Variants in PCDHGB2 observed in about 807,000 individuals in gnomAD.
PCDHGB2 encodes protocadherin gamma-B2.
PCDHGB2 carries 55 observed loss-of-function variants against 59.3 expected under a neutral mutation model. The observed-to-expected ratio is 0.93, with a 90% CI of 0.75 to 1.16. The LOEUF is 1.16. PCDHGB2 is among the 50% of genes most tolerant of loss of function. PCDHGB2 has a pLI of 0.00. For missense variants in PCDHGB2, 1,228 were observed against 1,198.5 expected (o/e 1.02, Z -0.36); for synonymous variants, 516 against 512.0 (o/e 1.01, Z -0.11).
At chr5:141,401,417 G>A (rs1404967672) in intron 1 of PCDHGB2, among the ~76,000 whole-genome samples, 1 of 152,136 alleles carries the variant, frequency 6.6e-6, no homozygotes, top group Non-Finnish European at 1.5e-5. Flanking sequence ...GAAAGAGAGA[G>A]ACTGATTCAC....
rs769461165 is a variant in PCDHGB2, at chr5:141,491,293, C to G, written c.2422-3514C>G. 2 of 1,614,048 alleles carry G rather than the reference C, an allele frequency of 1.2e-6. No individual in the cohort carries two copies. Among genetic ancestry groups the G allele is most frequent in the Admixed American group, 3.3e-5 (2 of 60,008 alleles). ...ATCCAGTGACTTCCTCATACACCCT[C>G]CTGAGCGTTCAGACCTTACCCTTTA... On this transcript the variant is annotated intron_variant, in intron 1 of 3. Coordinates refer to ENST00000522605, the MANE Select transcript of PCDHGB2 (RefSeq NM_018923.3). This position sits in a 1 kb window ranked among gnomAD's most constrained non-coding sequence, Gnocchi z 6.9.
chr5:141,422,678 A>G, intron 1 of PCDHGB2: 1 of 1,606,250 alleles, frequency 6.2e-7, no homozygotes, highest in Non-Finnish European at 8.5e-7. Flanking sequence ...GACAGCAAAC[A>G]GAATGCCCTG....
At chr5:141,497,983 C>T (rs2099780927) in intron 2 of PCDHGB2, among the ~76,000 whole-genome samples, 1 of 152,168 alleles carries the variant, frequency 6.6e-6, no homozygotes, top group African/African-American at 2.4e-5. Context: ...GTGGGAGGCC[C>T]CTGCCCTCAA....
intron 1 of PCDHGB2, chr5:141,365,094 T>C: frequency 2.5e-6 from 4 of 1,613,786 alleles, no homozygotes; most frequent in East Asian, 2.2e-5. Context: ...CCAGAGAACA[T>C]ACCTGTGGGC....
chr5:141,466,969 C>T (rs2099133068), intron 1 of PCDHGB2, among the ~76,000 whole-genome samples: 1 of 152,068 alleles, frequency 6.6e-6, no homozygotes, highest in African/African-American at 2.4e-5. Flanking sequence ...TATTTTCTCA[C>T]AGCTCATCAT....
rs770760145 is a variant in PCDHGB2 at position 141,421,951 on chromosome 5, A to C, written c.2421+59395A>C. On this transcript the variant is annotated intron_variant, in intron 1 of 3. Transcript: ENST00000522605. Reference sequence around the variant, plus strand: ...CCTCGATGTAAATGATCACATCCCAATGTTTACACAGTCCGTATATCGCGT... The same window carrying C: ...CCTCGATGTAAATGATCACATCCCACTGTTTACACAGTCCGTATATCGCGT... 1.9e-6 allele frequency: 3 copies of C among 1,612,854 alleles called. No homozygotes were observed. The highest frequency in any genetic ancestry group is 2.5e-6 in the Non-Finnish European group (3 of 1,179,434).
chr5:141,399,896 T>G (rs1271195619), intron 1 of PCDHGB2: 2 of 1,612,518 alleles, frequency 1.2e-6, no homozygotes, highest in Non-Finnish European at 8.5e-7. Flanking sequence ...GTAGTGGCCG[T>G]GGACGCAGAC....
chr5:141,510,435 C>T (rs938448523), intron 3 of PCDHGB2, among the ~76,000 whole-genome samples: 2 of 152,108 alleles, frequency 1.3e-5, no homozygotes, highest in Non-Finnish European at 2.9e-5. Context: ...ATGGCTGCTG[C>T]CCTCCAGGAG....
chr5:141,421,149 C>T (rs1030911066), intron 1 of PCDHGB2: 1 of 1,086,106 alleles, frequency 9.2e-7, no homozygotes, highest in Non-Finnish European at 1.3e-6. Context: ...ATGTAGTCGG[C>T]CTAGGACTTC....
chr5:141,454,691 C>T (rs745856768), intron 1 of PCDHGB2, among the ~76,000 whole-genome samples: 5 of 152,038 alleles, frequency 3.3e-5, no homozygotes, highest in Non-Finnish European at 5.9e-5. Flanking sequence ...CAGGCATGAG[C>T]CACCATGCTC....
chr5:141,500,277 C>T (rs1595660442), intron 2 of PCDHGB2, among the ~76,000 whole-genome samples: 1 of 151,718 alleles, frequency 6.6e-6, no homozygotes, highest in Non-Finnish European at 1.5e-5. Context: ...GGCGCAATCT[C>T]GGCTCACTGC....
rs758673205 is a variant in PCDHGB2, at chr5:141,376,309, CGT to C, written c.2421+13755_2421+13756del. The C allele has an allele frequency of 7.2e-5, 117 of 1,614,148 alleles. No homozygotes were observed. The South Asian group carries it at 1.3e-3, about 17-fold the overall frequency. ...GCATGCCCGGCTCGCACTTTGTGGG[CGT>C]GGAAGGGGTTCGGGCTTTCCTGCAG... On this transcript the variant is annotated intron_variant, in intron 1 of 3. Coordinates refer to ENST00000522605, the MANE Select transcript of PCDHGB2 (RefSeq NM_018923.3).
At chr5:141,462,062 A>T (rs957948334) in intron 1 of PCDHGB2, among the ~76,000 whole-genome samples, 3 of 152,168 alleles carry the variant, frequency 2.0e-5, no homozygotes, top group African/African-American at 2.4e-5. Context: ...ACCTCAGGTG[A>T]TCTGCCCGCC....
intron 1 of PCDHGB2, chr5:141,439,898 C>T (rs1428014089): frequency 6.6e-6 from 1 of 152,344 alleles, no homozygotes; most frequent in African/African-American, 2.4e-5. Context: ...ACCAAGGCGA[C>T]TACTGCCTCC....
At chr5:141,397,668 C>T (rs1455080741) in intron 1 of PCDHGB2, among the ~76,000 whole-genome samples, 3 of 152,224 alleles carry the variant, frequency 2.0e-5, no homozygotes, top group African/African-American at 7.2e-5. Flanking sequence ...AAAGAATGGA[C>T]CAATGTATGC....
chr5:141,420,910 G>T, intron 1 of PCDHGB2: 1 of 311,900 alleles, frequency 3.2e-6, no homozygotes, highest in South Asian at 7.0e-5. Context: ...ACAAATACGT[G>T]TGATTCACAA....
rs143638501 is a variant in PCDHGB2, at chr5:141,486,817, T to C, written c.2422-7990T>C. On this transcript the variant is annotated intron_variant, in intron 1 of 3. Coordinates refer to ENST00000522605, the MANE Select transcript of PCDHGB2 (RefSeq NM_018923.3). This position sits in a 1 kb window ranked among gnomAD's most constrained non-coding sequence, Gnocchi z 5.0. ...GGGGCAACCCACCCCTTAGCAGCACTGTAACAGTTCGTCTATTTGTGCTGG... is the reference window on the plus strand; with the variant it reads ...GGGGCAACCCACCCCTTAGCAGCACCGTAACAGTTCGTCTATTTGTGCTGG... 153 of 1,614,220 alleles carry C rather than the reference T, an allele frequency of 9.5e-5. 1 individual carries two copies. In the African/African-American group the frequency reaches 1.4e-3, roughly 15 times the overall value.
At chr5:141,418,726 G>C (rs1399333996) in intron 1 of PCDHGB2, 1 of 1,613,986 alleles carries the variant, frequency 6.2e-7, no homozygotes, top group Non-Finnish European at 8.5e-7. Flanking sequence ...ACAAAGCTCA[G>C]CACGTGTTCT....
intron 1 of PCDHGB2, chr5:141,422,092 G>C: frequency 6.2e-7 from 1 of 1,611,520 alleles, no homozygotes; most frequent in Non-Finnish European, 8.5e-7. Flanking sequence ...GGAAAGCAAG[G>C]CTTCTGAAAT....
Sources: gnomAD v4.1 joint callset for allele counts (sites outside exome capture counted in the v4.1 genomes callset) on GRCh38, gnomAD v4.1.1 for gene constraint, Gnocchi (gnomAD v3.1) non-coding constraint, MANE v1.5 for transcripts, NCBI Gene and HGNC (gene_info 2026-07-23, HGNC 2026-07-21) for gene names.